The following RHCE variants were observed in gnomAD, a reference collection of about 807,000 sequenced individuals.
RHCE encodes the protein Rh blood group CcEe antigens.
A neutral mutation model predicts 43.8 loss-of-function variants in RHCE; 22 were observed. The ratio of observed to expected loss-of-function variants is 0.50; its 90% confidence interval spans 0.36 to 0.72. The LOEUF (loss-of-function observed/expected upper bound fraction) is 0.72, where lower values mean the gene tolerates loss of function less well. Among genes scored for constraint, RHCE ranks in the 30% least tolerant of loss-of-function variants. RHCE has a pLI of 0.00. For missense variants in RHCE, 385 were observed against 525.4 expected (o/e 0.73, Z 2.61); for synonymous variants, 156 against 210.7 (o/e 0.74, Z 2.25).
upstream of RHCE, among the ~76,000 whole-genome samples, chr1:25,422,993 G>A (rs1427308850): frequency 2.0e-5 from 3 of 152,088 alleles, no homozygotes; most frequent in Non-Finnish European, 2.9e-5. Context: ...CATGCTGTGC[G>A]GTCAGGTTCC....
intron 7 of RHCE, among the ~76,000 whole-genome samples, chr1:25,379,728 G>A (rs1223491620): frequency 6.6e-6 from 1 of 151,722 alleles, no homozygotes; most frequent in Non-Finnish European, 1.5e-5. Context: ...TGGCTGGAAT[G>A]CAGTGGCACG....
intron 9 of RHCE, 39 bp from the exon 10 acceptor site, chr1:25,362,592 C>A (rs1243611834): frequency 7.1e-7 from 1 of 1,399,844 alleles, no homozygotes; most frequent in South Asian, 1.2e-5. Context: ...GCAGATGAAC[C>A]CACATACTGA....
At chr1:25,373,814 G>A (rs569451260) in intron 8 of RHCE, among the ~76,000 whole-genome samples, 2 of 151,010 alleles carry the variant, frequency 1.3e-5, no homozygotes, top group East Asian at 3.9e-4. Flanking sequence ...AACAAGTTCT[G>A]GATGGAATGT....
intron 7 of RHCE, among the ~76,000 whole-genome samples, chr1:25,382,821 C>A (rs889993833): frequency 1.3e-5 from 2 of 152,094 alleles, no homozygotes; most frequent in African/African-American, 4.8e-5. Flanking sequence ...CATTTGAGGA[C>A]AACATTCATG....
chr1:25,408,597 G>A lies in RHCE; in HGVS notation c.335+86C>T, dbSNP rs552142646. On this transcript the variant is annotated intron_variant, in intron 2 of 9. Coordinates refer to ENST00000294413, the MANE Select transcript of RHCE (RefSeq NM_020485.8). ...CAGCACTGGTGCTAGACAGAGAGGG[G>A]GCAATATCCCAGATCTTCTGGAACC... 2 of 902,144 alleles carry A rather than the reference G, an allele frequency of 2.2e-6. 1 individual carries two copies. The highest frequency in any genetic ancestry group is 4.6e-5 in the South Asian group (2 of 43,510). The allele number at this position is 902,144 out of a possible 1,614,324, so 55.9% of individuals were successfully genotyped here.
chr1:25,385,079 A>T (rs1478210567), intron 7 of RHCE, among the ~76,000 whole-genome samples: 1 of 152,218 alleles, frequency 6.6e-6, no homozygotes, highest in African/African-American at 2.4e-5. Flanking sequence ...AGTAATGGCT[A>T]GGGCTCTGGT....
At chr1:25,414,861 A>C (rs1339996275) in intron 1 of RHCE, among the ~76,000 whole-genome samples, 1 of 152,148 alleles carries the variant, frequency 6.6e-6, no homozygotes, top group Non-Finnish European at 1.5e-5. Flanking sequence ...AGAACTGCCC[A>C]GCTGAACCCA....
chr1:25,413,479 G>A (rs1363163254), intron 1 of RHCE, among the ~76,000 whole-genome samples: 1 of 152,248 alleles, frequency 6.6e-6, no homozygotes, highest in Non-Finnish European at 1.5e-5. Context: ...GTGTTCAGGG[G>A]TGATAAGAAG....
chr1:25,390,445 C>T (rs1383622898), intron 5 of RHCE, among the ~76,000 whole-genome samples: 3 of 152,204 alleles, frequency 2.0e-5, no homozygotes, highest in Admixed American at 6.5e-5. Context: ...CTGACTCTCG[C>T]TCATGGTGAC....
intron 7 of RHCE, among the ~76,000 whole-genome samples, chr1:25,384,149 T>C (rs2124387278): frequency 6.6e-6 from 1 of 151,236 alleles, no homozygotes; most frequent in Non-Finnish European, 1.5e-5. Flanking sequence ...ATGCAGGTGC[T>C]GTGGAGAACC....
At chr1:25,369,698 G>A (rs1256691170) in intron 9 of RHCE, among the ~76,000 whole-genome samples, 1 of 149,530 alleles carries the variant, frequency 6.7e-6, no homozygotes, top group Non-Finnish European at 1.5e-5. Flanking sequence ...GCTGTGTTCA[G>A]GACTCAGCCT....
At position 25,379,477 on chromosome 1, in the gene RHCE, ATATATATATATATATATATTTTTTTTT is replaced by A. The variant is rs1164061232; in HGVS notation, c.1074-4076_1074-4050del. Among the ~76,000 whole-genome samples, 93 of 13,442 alleles carry A rather than the reference ATATATATATATATATATATTTTTTTTT, an allele frequency of 6.9e-3. 5 individuals carry two copies. The Middle Eastern group carries it at 0.095, about 14-fold the overall frequency. The allele number at this position is 13,442 out of a possible 152,430, so 8.8% of individuals were successfully genotyped here. A position where few individuals can be genotyped will look rare whatever the true frequency, so the allele number is the denominator to read the frequency against. The stretch of plus-strand genomic sequence containing the variant: ...TATATATATATATATATATATATAT[ATATATATATATATATATATTTTTTTTT>A]TTTTTTTTTTTTTTTTTAAAGATGG... On this transcript the variant is annotated intron_variant, in intron 7 of 9. Coordinates refer to ENST00000294413, the MANE Select transcript of RHCE (RefSeq NM_020485.8).
chr1:25,373,208 G>A (rs542075779), intron 8 of RHCE, among the ~76,000 whole-genome samples: 10 of 151,418 alleles, frequency 6.6e-5, no homozygotes, highest in South Asian at 4.2e-4. Context: ...TCTCTTTTTT[G>A]ACTCCAGTGA....
In RHCE at chr1:25,386,100, C is replaced by G. The variant is rs138295468; in HGVS notation, c.940-256G>C. Reference sequence around the variant, plus strand: ...GGTCCCAGGTGATGCCAATGCTGCTCATCTACGGACCACACTATGAGTAGC... The same window carrying G: ...GGTCCCAGGTGATGCCAATGCTGCTGATCTACGGACCACACTATGAGTAGC... On this transcript the variant is annotated intron_variant, in intron 6 of 9. Coordinates refer to ENST00000294413, the MANE Select transcript of RHCE (RefSeq NM_020485.8). 5.8e-3 allele frequency among the ~76,000 whole-genome samples: 888 copies of G among 152,272 alleles called. 12 individuals carry two copies. The highest frequency in any genetic ancestry group is 0.02 in the African/African-American group (835 of 41,528).
chr1:25,369,206 G>T (rs1645527915), intron 9 of RHCE, among the ~76,000 whole-genome samples: 1 of 151,724 alleles, frequency 6.6e-6, no homozygotes, highest in South Asian at 2.1e-4. Context: ...ATGCACAGGT[G>T]TCCAGGCCCA....
chr1:25,397,111 CA>C (rs151106139), intron 3 of RHCE, among the ~76,000 whole-genome samples: 62 of 58,034 alleles, frequency 1.1e-3, no homozygotes, highest in Middle Eastern at 0.013. Flanking sequence ...GACTCTGTCT[CA>C]AAAAAAAAAA....
chr1:25,371,878 A>G (rs1023007354), intron 8 of RHCE, among the ~76,000 whole-genome samples: 1 of 151,348 alleles, frequency 6.6e-6, no homozygotes, highest in African/African-American at 2.5e-5. Context: ...GCTTAGTGAG[A>G]TTCGTATTTC....
chr1:25,382,799 C>T (rs1646039947), intron 7 of RHCE, among the ~76,000 whole-genome samples: 3 of 152,120 alleles, frequency 2.0e-5, no homozygotes, highest in African/African-American at 2.4e-5. Flanking sequence ...CCAGATGCTT[C>T]CCAGATTTCA....
chr1:25,406,252 T>TGCGTGC (rs769851209), intron 2 of RHCE, among the ~76,000 whole-genome samples: 840 of 81,934 alleles, frequency 0.01, 195 homozygotes, highest in South Asian at 0.018. Context: ...CGTGCGTGCG[T>TGCGTGC]GTGTGTGTGT....
Sources: allele counts gnomAD v4.1 joint callset (sites outside exome capture counted in the v4.1 genomes callset), GRCh38; gene constraint gnomAD v4.1.1; transcripts MANE v1.5; gene names NCBI Gene and HGNC (gene_info 2026-07-23, HGNC 2026-07-21).